The following DRC7 variants were observed in gnomAD, a reference collection of about 807,000 sequenced individuals.
DRC7 encodes coiled-coil domain containing 135.
A neutral mutation model predicts 104.4 loss-of-function variants in DRC7; 80 were observed. The ratio of observed to expected loss-of-function variants is 0.77; its 90% confidence interval spans 0.64 to 0.92. The LOEUF is 0.92. Ranked by LOEUF, DRC7 falls within the 40% of genes least tolerant of loss-of-function variation. The pLI, the probability that DRC7 is intolerant of heterozygous loss-of-function variation, is 0.00. For synonymous variants in DRC7, 405 were observed against 447.3 expected (o/e 0.91, Z 1.19); for missense variants, 1,034 against 1,141.1 (o/e 0.91, Z 1.35).
intron 9 of DRC7, among the ~76,000 whole-genome samples, chr16:57,720,637 C>T (rs1015762005): frequency 6.6e-6 from 1 of 152,198 alleles, no homozygotes; most frequent in African/African-American, 2.4e-5. Flanking sequence ...CATGGACCCC[C>T]AGGAAAAACC....
chr16:57,700,210 C>T lies in DRC7; in HGVS notation c.444C>T (p.Ser148=). 1 of 1,614,114 alleles carries T rather than the reference C, an allele frequency of 6.2e-7. No homozygotes were observed. The highest frequency in any genetic ancestry group is 8.5e-7 in the Non-Finnish European group (1 of 1,179,992). ...ACCCCGAGCTCTACAACTGGGACAG[C>T]TGTGCCCAGTTTGTCTCCGACTTCC... The part of the protein sequence containing the change: ...MPYPELYNWD[S]CAQFVSDFLT... Residue 148 remains serine (S), a synonymous_variant, in exon 5 of 19, where the codon AGC becomes AGT. Transcript: ENST00000360716.
chr16:57,718,022 G>A (rs1006747721), intron 8 of DRC7, among the ~76,000 whole-genome samples: 4 of 152,212 alleles, frequency 2.6e-5, no homozygotes, highest in Non-Finnish European at 5.9e-5. Context: ...CTGCCCAGCC[G>A]ATGCGGAAAG....
In DRC7 at chr16:57,707,963, C is replaced by A. The variant is rs1010632271; in HGVS notation, c.1077+285C>A. 15 of 469,340 alleles carry A rather than the reference C, an allele frequency of 3.2e-5. No individual in the cohort carries two copies. The Admixed American group carries it at 4.5e-4, about 14-fold the overall frequency. The allele number at this position is 469,340 out of a possible 1,614,324, so 29.1% of individuals were successfully genotyped here. ...AGTGTAACCTACATGCAGAAAAGTA[C>A]ACTCATCCCATGCATACATACAGTT... On this transcript the variant is annotated intron_variant, in intron 8 of 18. Coordinates refer to ENST00000360716, the MANE Select transcript of DRC7 (RefSeq NM_001289162.2).
At chr16:57,729,810 G>A (rs1383556937) in intron 17 of DRC7, among the ~76,000 whole-genome samples, 8 of 133,148 alleles carry the variant, frequency 6.0e-5, no homozygotes, top group African/African-American at 2.5e-4. Context: ...GGATGAGTGA[G>A]TAGGTGGGTG....
chr16:57,697,585 TA>T (rs2048608735), intron 2 of DRC7, among the ~76,000 whole-genome samples: 1 of 150,890 alleles, frequency 6.6e-6, no homozygotes, highest in African/African-American at 2.4e-5. Context: ...ATAAAAAATT[TA>T]AAAAAAAAGA....
At chr16:57,712,551 T>G (rs1351602584) in intron 8 of DRC7, among the ~76,000 whole-genome samples, 1 of 152,250 alleles carries the variant, frequency 6.6e-6, no homozygotes, top group Non-Finnish European at 1.5e-5. Context: ...GTTTTCTATC[T>G]CATTGATGTC....
intron 17 of DRC7, among the ~76,000 whole-genome samples, chr16:57,730,604 G>T (rs1292713296): frequency 1.3e-5 from 2 of 152,026 alleles, no homozygotes; most frequent in African/African-American, 4.8e-5. Flanking sequence ...AAGGGGAGGG[G>T]GGAGTACAAT....
intron 6 of DRC7, among the ~76,000 whole-genome samples, chr16:57,702,766 C>A (rs2048673736): frequency 6.6e-6 from 1 of 152,170 alleles, no homozygotes; most frequent in African/African-American, 2.4e-5. Flanking sequence ...TGCGCCATTG[C>A]ACTCCAGCCT....
chr16:57,702,193 C>T, intron 6 of DRC7, 63 bp downstream of exon 6: 2 of 1,563,736 alleles, frequency 1.3e-6, no homozygotes, highest in Middle Eastern at 1.9e-4. Context: ...GCTGTCGTGC[C>T]ATCCTTAGAG....
Position 57,698,860 on chromosome 16 carries a change from A to C in DRC7, c.214A>C (p.Lys72Gln), listed in dbSNP as rs760717974. Residue 72 changes from lysine to glutamine, a missense_variant, in exon 4 of 19, where the codon AAG (lysine) becomes CAG (glutamine). By Grantham distance (53) the Lys-to-Gln change is moderately conservative. Transcript: ENST00000360716. ...TVSAELPAFT[K>Q]DTIDISKLPI... is the part of the protein sequence containing the mutation. The stretch of plus-strand genomic sequence containing the variant: ...CCTGTTGTGGCACAGGGCCTTTACC[A>C]AGGACACTATTGACATCTCCAAGCT... The C allele has an allele frequency of 3.7e-6, 6 of 1,613,814 alleles. No homozygotes were observed.
At chr16:57,724,576 T>C (rs562065999) in intron 12 of DRC7, 39 bp from the exon 13 acceptor site, 3 of 1,479,204 alleles carry the variant, frequency 2.0e-6, no homozygotes, top group Admixed American at 3.6e-5. Context: ...TCCTAGTGCT[T>C]ATGAAGCTGT....
rs2048617541 is a variant in DRC7, at chr16:57,698,167, G to A, written c.203+15G>A. 1.2e-6 allele frequency: 2 copies of A among 1,613,812 alleles called. No individual in the cohort carries two copies. The highest frequency in any genetic ancestry group is 4.5e-5 in the East Asian group (2 of 44,882). On this transcript the variant is annotated intron_variant, in intron 3 of 18. Coordinates refer to ENST00000360716, the MANE Select transcript of DRC7 (RefSeq NM_001289162.2). ...GCGGAGCTCCCGTGAGTGTGGCAGG[G>A]TGGGGGCCCTGGCAAGGGTAGACCG...
intron 12 of DRC7, 136 bp downstream of exon 12, chr16:57,723,266 T>C: frequency 9.7e-7 from 1 of 1,036,012 alleles, no homozygotes; most frequent in South Asian, 1.6e-5. Flanking sequence ...CAGTAGAAGC[T>C]GCCCTGCCTC....
chr16:57,721,426 C>T (rs72795523), intron 9 of DRC7, among the ~76,000 whole-genome samples: 17,943 of 152,140 alleles, frequency 0.12, 1,118 homozygotes, highest in Non-Finnish European at 0.14. Flanking sequence ...TCACGAAGGG[C>T]CTGCAGCCAG....
chr16:57,698,288 G>A, intron 3 of DRC7, 136 bp downstream of exon 3: 1 of 1,351,170 alleles, frequency 7.4e-7, no homozygotes. Flanking sequence ...AAGGCTTTCT[G>A]CTTTCAAATG....
At position 57,700,276 on chromosome 16, in the gene DRC7, C is replaced by T. The variant is rs777951604; in HGVS notation, c.504+6C>T. 38 of 1,611,544 alleles carry T rather than the reference C, an allele frequency of 2.4e-5. No homozygotes were observed. The South Asian group carries it at 4.0e-4, about 17-fold the overall frequency. On this transcript the variant is annotated splice_donor_region_variant and intron_variant, in intron 5 of 18. Coordinates refer to ENST00000360716, the MANE Select transcript of DRC7 (RefSeq NM_001289162.2). ...TGCCTGACCCTCTCAAGCCGGTAAGCACCACTCACAGGCTGCATGCCTGAG... is the reference window on the plus strand; with the variant it reads ...TGCCTGACCCTCTCAAGCCGGTAAGTACCACTCACAGGCTGCATGCCTGAG...
chr16:57,701,706 G>A (rs534871817), intron 5 of DRC7: 2 of 527,392 alleles, frequency 3.8e-6, no homozygotes, highest in African/African-American at 1.9e-5. Context: ...CCCCCTATCA[G>A]GAAGTCCATA....
Position 57,707,688 on chromosome 16 carries a change from G to A in DRC7, c.1077+10G>A. 1 of 1,611,914 alleles carries A rather than the reference G, an allele frequency of 6.2e-7. No individual in the cohort carries two copies. The highest frequency in any genetic ancestry group is 8.5e-7 in the Non-Finnish European group (1 of 1,179,220). ...CTGGAACTGCTGCAAGGTGCCTAGG[G>A]AGGGGGAGCTGGGTGGGTGTGGCAG... On this transcript the variant is annotated intron_variant, in intron 8 of 18. Transcript: ENST00000360716.
rs141005727 is a variant in DRC7, at chr16:57,708,116, C to T, written c.1077+438C>T. Among the ~76,000 whole-genome samples, 161 of 152,268 alleles carry T rather than the reference C, an allele frequency of 1.1e-3. 1 individual carries two copies. Among genetic ancestry groups the T allele is most frequent in the Non-Finnish European group, 1.5e-3 (101 of 68,014 alleles). On this transcript the variant is annotated intron_variant, in intron 8 of 18. Coordinates refer to ENST00000360716, the MANE Select transcript of DRC7 (RefSeq NM_001289162.2). ...TTCCTCCAAATGTATTTTTAACTCA[C>T]GTATGTGGCACTGGTACACACACGC...
Sources: gnomAD v4.1 joint callset for allele counts (sites outside exome capture counted in the v4.1 genomes callset) on GRCh38, gnomAD v4.1.1 for gene constraint, MANE v1.5 for transcripts, NCBI Gene and HGNC (gene_info 2026-07-23, HGNC 2026-07-21) for gene names.